TRIM37: variants seen among roughly 807,000 people sequenced by gnomAD.
The protein encoded by TRIM37 is E3 ubiquitin-protein ligase TRIM37.
Under a neutral mutation model 129.8 loss-of-function variants are expected in TRIM37, and 80 were observed. That is an observed-to-expected ratio of 0.62 (90% CI 0.51 to 0.74). The LOEUF is 0.74. Ranked by LOEUF, TRIM37 falls within the 30% of genes least tolerant of loss-of-function variation. TRIM37 has a pLI of 0.00. For synonymous variants in TRIM37, 389 were observed against 387.1 expected, an observed-to-expected ratio of 1.00 and a Z score of -0.06; for missense variants, 1,054 against 1,176.5, an observed-to-expected ratio of 0.90 and a Z score of 1.52.
At chr17:59,054,213 C>T (rs1395382846) in intron 13 of TRIM37, among the ~76,000 whole-genome samples, 1 of 152,180 alleles carries the variant, frequency 6.6e-6, no homozygotes, top group Non-Finnish European at 1.5e-5. Context: ...CAGTTCAGAA[C>T]ATATTTTAAT....
At chr17:59,106,402 G>T in intron 1 of TRIM37, 39 bp downstream of exon 1, 1 of 1,613,348 alleles carries the variant, frequency 6.2e-7, no homozygotes, top group Non-Finnish European at 8.5e-7. Flanking sequence ...CTCATCGGGT[G>T]GGGGCGGGGA....
rs377228688 is a variant in TRIM37, at chr17:59,079,895, A to G, written c.493-18T>C. 1 of 1,612,868 alleles carries G rather than the reference A, an allele frequency of 6.2e-7. No individual in the cohort carries two copies. ...TTCCTTTCCTAGAAGATAAAGAGGT[A>G]AGAATAATTTTAATTGGGTAAATTT... On this transcript the variant is annotated intron_variant, in intron 6 of 23. Transcript: ENST00000262294.
intron 5 of TRIM37, among the ~76,000 whole-genome samples, chr17:59,081,751 AC>A (rs1230975246): frequency 6.6e-6 from 1 of 151,656 alleles, no homozygotes; most frequent in Non-Finnish European, 1.5e-5. Context: ...CTACTAAAAT[AC>A]AAAATGTAGC....
chr17:59,004,732 A>T (rs1432453870), intron 22 of TRIM37, among the ~76,000 whole-genome samples: 2 of 152,226 alleles, frequency 1.3e-5, no homozygotes, highest in African/African-American at 2.4e-5. Flanking sequence ...AAGGTTACTC[A>T]AGGAAAAATC....
At chr17:59,007,231 C>CCACCCACACACACACACA (rs60395023) in intron 22 of TRIM37, among the ~76,000 whole-genome samples, 1 of 97,540 alleles carries the variant, frequency 1.0e-5, no homozygotes, top group South Asian at 4.2e-4. Flanking sequence ...CCCCACCCAC[C>CCACCCACACACACACACA]CACACACACA....
chr17:59,020,094 G>C (rs550035336), intron 19 of TRIM37, among the ~76,000 whole-genome samples: 65 of 151,680 alleles, frequency 4.3e-4, no homozygotes, highest in African/African-American at 1.2e-3. Flanking sequence ...AGCCCGGTGT[G>C]GTGGCACACA....
Position 59,103,168 on chromosome 17 carries a change from C to T in TRIM37, c.123+1125G>A, listed in dbSNP as rs573902183. 4.6e-5 allele frequency among the ~76,000 whole-genome samples: 7 copies of T among 152,170 alleles called. No homozygotes were observed. The East Asian group carries it at 1.4e-3, about 29-fold the overall frequency. ...GATTACAGGCGTGAGCTACCTACTG[C>T]GCCCAGCTGAAACAGAAAGTTTGAG... On this transcript the variant is annotated intron_variant, in intron 2 of 23. Coordinates refer to ENST00000262294, the MANE Select transcript of TRIM37 (RefSeq NM_015294.6).
chr17:59,072,634 G>T (rs767974217), intron 8 of TRIM37, among the ~76,000 whole-genome samples: 2 of 151,874 alleles, frequency 1.3e-5, no homozygotes, highest in Non-Finnish European at 2.9e-5. Context: ...TGTAGTCCCA[G>T]CTACTCAGGA....
At chr17:59,064,819 G>A (rs925496773) in intron 9 of TRIM37, among the ~76,000 whole-genome samples, 4 of 152,148 alleles carry the variant, frequency 2.6e-5, no homozygotes, top group Admixed American at 6.6e-5. Context: ...GCTGAGGCAC[G>A]AGAATCACTT....
chr17:58,993,569 A>C (rs2032666640), downstream of TRIM37, among the ~76,000 whole-genome samples: 1 of 152,254 alleles, frequency 6.6e-6, no homozygotes, highest in African/African-American at 2.4e-5. Context: ...TGGAAAAGCA[A>C]AAACTAAAAG....
intron 2 of TRIM37, 103 bp from the exon 3 acceptor site, chr17:59,091,443 TATATATA>T (rs2044300954): frequency 4.8e-6 from 1 of 207,118 alleles, no homozygotes; most frequent in Non-Finnish European, 9.5e-6. Context: ...ATATTCTTAA[TATATATA>T]ATATATAAAT....
chr17:59,076,115 T>C (rs1165644325), intron 7 of TRIM37, among the ~76,000 whole-genome samples: 2 of 152,162 alleles, frequency 1.3e-5, no homozygotes, highest in African/African-American at 4.8e-5. Flanking sequence ...TAAAAGAGAA[T>C]ACAAAGTGGG....
chr17:59,041,115 T>C (rs931061798), intron 17 of TRIM37, among the ~76,000 whole-genome samples: 2 of 151,118 alleles, frequency 1.3e-5, no homozygotes, highest in African/African-American at 4.9e-5. Flanking sequence ...ACAGAAACAG[T>C]AGAAAGCTAA....
chr17:58,967,517 TATAGAG>T, the TRIM37 span, among the ~76,000 whole-genome samples: 17 of 149,470 alleles, frequency 1.1e-4, no homozygotes, highest in African/African-American at 4.2e-4. Flanking sequence ...TATATATATA[TATAGAG>T]AGAGAGAGAG....
At chr17:59,013,838 A>G (rs1413512947) in intron 21 of TRIM37, among the ~76,000 whole-genome samples, 2 of 152,060 alleles carry the variant, frequency 1.3e-5, no homozygotes, top group African/African-American at 2.4e-5. Flanking sequence ...TTTCATTAGT[A>G]TTTAAACTTT....
intron 4 of TRIM37, among the ~76,000 whole-genome samples, chr17:59,085,401 T>A (rs1193368112): frequency 6.6e-6 from 1 of 152,014 alleles, no homozygotes; most frequent in African/African-American, 2.4e-5. Flanking sequence ...AAATAAACTT[T>A]AAAAACTCTA....
intron 13 of TRIM37, among the ~76,000 whole-genome samples, chr17:59,053,288 TC>T (rs1257820770): frequency 6.6e-6 from 1 of 152,216 alleles, no homozygotes; most frequent in Non-Finnish European, 1.5e-5. Flanking sequence ...TAAATAACTT[TC>T]TAATAAATAC....
At chr17:59,099,019 C>G (rs1043925218) in intron 2 of TRIM37, among the ~76,000 whole-genome samples, 1 of 152,076 alleles carries the variant, frequency 6.6e-6, no homozygotes, top group Non-Finnish European at 1.5e-5. Context: ...CCCATCTCTA[C>G]TAAAAATACA....
At chr17:59,049,108 T>C (rs1653881336) in intron 15 of TRIM37, 70 bp downstream of exon 15, 2 of 1,253,824 alleles carry the variant, frequency 1.6e-6, no homozygotes, top group Non-Finnish European at 1.2e-6. Context: ...GCACATAATA[T>C]GTTAAAAGCC....
Sources: gnomAD v4.1 joint callset for allele counts (sites outside exome capture counted in the v4.1 genomes callset) on GRCh38, gnomAD v4.1.1 for gene constraint, MANE v1.5 for transcripts, NCBI Gene and HGNC (gene_info 2026-07-23, HGNC 2026-07-21) for gene names.